The following ENTPD1 variants were observed in gnomAD, a reference collection of about 807,000 sequenced individuals.
The protein encoded by ENTPD1 is ectonucleoside triphosphate diphosphohydrolase 1, also known as ATP diphosphohydrolase.
In ENTPD1, 33 loss-of-function variants were observed where a neutral mutation model predicts 57.0. That is an observed-to-expected ratio of 0.58 (90% CI 0.44 to 0.77). ENTPD1 has a LOEUF of 0.77. Ranked by LOEUF, ENTPD1 falls within the 30% of genes least tolerant of loss-of-function variation. The pLI is 0.00. For synonymous variants in ENTPD1, 202 were observed against 218.8 expected (o/e 0.92, Z 0.68); for missense variants, 501 against 603.4 (o/e 0.83, Z 1.78).
At chr10:95,735,647 G>T (rs1468328540) in intron 1 of ENTPD1, among the ~76,000 whole-genome samples, 1 of 152,110 alleles carries the variant, frequency 6.6e-6, no homozygotes, top group East Asian at 1.9e-4. Flanking sequence ...CCAGGCTGGA[G>T]TGCAATGGTG....
intron 1 of ENTPD1, among the ~76,000 whole-genome samples, chr10:95,779,443 G>A (rs2098147645): frequency 6.6e-6 from 1 of 152,108 alleles, no homozygotes; most frequent in Non-Finnish European, 1.5e-5. Flanking sequence ...TTAACATAGG[G>A]TCCAGATATG....
intron 1 of ENTPD1, among the ~76,000 whole-genome samples, chr10:95,769,701 A>G (rs115197895): frequency 0.02 from 2,991 of 152,328 alleles, 92 homozygotes; most frequent in African/African-American, 0.067. Context: ...TCGGGAGACT[A>G]CTGCAGTAAT....
chr10:95,756,198 G>T lies in ENTPD1; in HGVS notation c.-42G>T, dbSNP rs558491717. 11 of 1,581,392 alleles carry T rather than the reference G, an allele frequency of 7.0e-6. No individual in the cohort carries two copies. The East Asian group carries it at 9.3e-5, about 13-fold the overall frequency. On this transcript the variant is annotated 5_prime_UTR_variant, in exon 1 of 10. Coordinates refer to ENST00000371205, the MANE Select transcript of ENTPD1 (RefSeq NM_001776.6). ...ACCACAGCAAGCAGAGGCTGGGGGG[G>T]GGAAAGACGAGGAAAGAGGAGGAAA...
In ENTPD1 at chr10:95,827,033, A is replaced by G. The variant is rs1590040148; in HGVS notation, c.144+3669A>G. Among the ~76,000 whole-genome samples the G allele has an allele frequency of 3.9e-5, 6 of 152,356 alleles. No homozygotes were observed. The South Asian group carries it at 1.0e-3, about 26-fold the overall frequency. On this transcript the variant is annotated intron_variant, in intron 2 of 9. Transcript: ENST00000371205. ...GCTGTGCTCAATAAAAATATAAAACAAGCCAAATTTTAAATTTTCAAAGAG... is the reference window on the plus strand; with the variant it reads ...GCTGTGCTCAATAAAAATATAAAACGAGCCAAATTTTAAATTTTCAAAGAG...
intron 1 of ENTPD1, among the ~76,000 whole-genome samples, chr10:95,810,856 G>A (rs2140443184): frequency 6.6e-6 from 1 of 152,154 alleles, no homozygotes; most frequent in Middle Eastern, 3.4e-3. Context: ...CACTAAATGG[G>A]TACAGAAAAT....
At chr10:95,857,296 T>C (rs2098456839) in intron 7 of ENTPD1, among the ~76,000 whole-genome samples, 1 of 152,206 alleles carries the variant, frequency 6.6e-6, no homozygotes, top group African/African-American at 2.4e-5. Flanking sequence ...TGTTGATCTG[T>C]TTTTTATAAT....
intron 1 of ENTPD1, among the ~76,000 whole-genome samples, chr10:95,804,867 T>C (rs1391214412): frequency 6.6e-6 from 1 of 152,216 alleles, no homozygotes; most frequent in Non-Finnish European, 1.5e-5. Flanking sequence ...ATACCTAGTT[T>C]ATTGAGAGTT....
intron 7 of ENTPD1, among the ~76,000 whole-genome samples, chr10:95,852,558 T>G (rs975858553): frequency 2.6e-5 from 4 of 152,164 alleles, no homozygotes; most frequent in African/African-American, 9.7e-5. Context: ...GTTTTTATGG[T>G]TTTGGGTCTA....
At chr10:95,759,498 G>A (rs1324636789) in intron 1 of ENTPD1, among the ~76,000 whole-genome samples, 1 of 152,166 alleles carries the variant, frequency 6.6e-6, no homozygotes, top group Non-Finnish European at 1.5e-5. Flanking sequence ...TAGCAACCTT[G>A]CTGTCTGAGA....
intron 1 of ENTPD1, among the ~76,000 whole-genome samples, chr10:95,721,007 GT>G (rs1566088500): frequency 1.3e-5 from 2 of 152,092 alleles, no homozygotes; most frequent in Non-Finnish European, 2.9e-5. Context: ...GGTTTTTTAA[GT>G]TTTGCTCCAT....
chr10:95,866,164 C>T lies in ENTPD1; in HGVS notation c.1327-13C>T, dbSNP rs757341116. The T allele has an allele frequency of 5.6e-6, 9 of 1,610,958 alleles. No homozygotes were observed. Among genetic ancestry groups the T allele is most frequent in the Non-Finnish European group, 7.6e-6 (9 of 1,178,448 alleles). On this transcript the variant is annotated splice_polypyrimidine_tract_variant and intron_variant, in intron 9 of 9. Transcript: ENST00000371205. ...TCCTCCAACCACAAACAGACTTTCC[C>T]CACTGTTTGCAGATCCAGGGCAGCG...
At position 95,842,490 on chromosome 10, in the gene ENTPD1, C is replaced by T; in HGVS notation, c.409C>T (p.Leu137Phe). The T allele has an allele frequency of 1.1e-5, 17 of 1,613,896 alleles. No individual in the cohort carries two copies. Among genetic ancestry groups the T allele is most frequent in the Non-Finnish European group, 1.4e-5 (17 of 1,179,968 alleles). The change falls in exon 4 of 10, where the codon CTC becomes TTC. Residue 137 changes from leucine to phenylalanine, a missense_variant. Transcript: ENST00000371205. Reference sequence around the variant, plus strand: ...GGGAGCCACGGCAGGCATGCGGTTGCTCAGGTATAGCAGCATGTAGGGACC... The same window carrying T: ...GGGAGCCACGGCAGGCATGCGGTTGTTCAGGTATAGCAGCATGTAGGGACC... The part of the protein sequence containing the change: ...YLGATAGMRL[L>F]RMESEELADR...
In ENTPD1 at chr10:95,870,954, C is replaced by T. The variant is rs766810225; in HGVS notation, c.*4571C>T. On this transcript the variant is annotated 3_prime_UTR_variant, in exon 10 of 10. Transcript: ENST00000371205. ...GGGTGGATCAGACCTATTCCATATA[C>T]CTCTTGTTCTCCTTGTCCAGTGGTT... The T allele has an allele frequency of 1.0e-6, 1 of 985,440 alleles. No homozygotes were observed. The highest frequency in any genetic ancestry group is 1.7e-5 in the African/African-American group (1 of 57,370). 61.0% of individuals were successfully genotyped at this position (985,440 alleles called of 1,614,324 possible).
intron 2 of ENTPD1, among the ~76,000 whole-genome samples, chr10:95,828,012 T>A (rs1239836299): frequency 2.0e-5 from 3 of 152,068 alleles, no homozygotes; most frequent in Admixed American, 2.0e-4. Flanking sequence ...GGTTATAAAA[T>A]GAGAAGAGAG....
rs556817806 is a variant in ENTPD1 at position 95,817,524 on chromosome 10, A to G, written c.17-5713A>G. ...TTAGAAGTAAGTCACATCACTCAGA[A>G]TAAGGCAAAGCCCTCACTAGTGCCC... On this transcript the variant is annotated intron_variant, in intron 1 of 9. Coordinates refer to ENST00000371205, the MANE Select transcript of ENTPD1 (RefSeq NM_001776.6). 4.6e-5 allele frequency among the ~76,000 whole-genome samples: 7 copies of G among 152,316 alleles called. 1 individual carries two copies. The highest frequency in any genetic ancestry group is 8.8e-5 in the Non-Finnish European group (6 of 68,020).
At chr10:95,819,221 TG>T (rs1566191980) in intron 1 of ENTPD1, among the ~76,000 whole-genome samples, 1 of 152,220 alleles carries the variant, frequency 6.6e-6, no homozygotes, top group African/African-American at 2.4e-5. Context: ...TAGAGTGCAG[TG>T]GTGTGATCTT....
At chr10:95,769,533 C>T (rs1287847732) in intron 1 of ENTPD1, among the ~76,000 whole-genome samples, 1 of 152,230 alleles carries the variant, frequency 6.6e-6, no homozygotes, top group Non-Finnish European at 1.5e-5. Context: ...TAGCATCCTG[C>T]AGGCCACTGT....
intron 1 of ENTPD1, among the ~76,000 whole-genome samples, chr10:95,744,841 G>A (rs1007272901): frequency 1.3e-5 from 2 of 152,124 alleles, no homozygotes; most frequent in Admixed American, 1.3e-4. Flanking sequence ...ATATTGTCAT[G>A]TATCCACCAT....
chr10:95,866,953 T>C lies in ENTPD1; in HGVS notation c.*570T>C. On this transcript the variant is annotated 3_prime_UTR_variant, in exon 10 of 10. Transcript: ENST00000371205. Reference sequence around the variant, plus strand: ...AGCCAAAGAGTTTTATAAGGAAATATATGTGCTCATGCAGTCAATACAGTT... The same window carrying C: ...AGCCAAAGAGTTTTATAAGGAAATACATGTGCTCATGCAGTCAATACAGTT... 1 of 1,011,178 alleles carries C rather than the reference T, an allele frequency of 9.9e-7. No individual in the cohort carries two copies. The highest frequency in any genetic ancestry group is 1.2e-6 in the Non-Finnish European group (1 of 844,452). 62.6% of individuals were successfully genotyped at this position (1,011,178 alleles called of 1,614,324 possible). A position where few individuals can be genotyped will look rare whatever the true frequency, so the allele number is the denominator to read the frequency against.
Sources: allele counts gnomAD v4.1 joint callset (sites outside exome capture counted in the v4.1 genomes callset), GRCh38; gene constraint gnomAD v4.1.1; transcripts MANE v1.5; gene names NCBI Gene and HGNC (gene_info 2026-07-23, HGNC 2026-07-21).